Variants in TAOK3 observed in about 807,000 individuals in gnomAD.
TAOK3 encodes the protein TAO kinase 3, also known as serine/threonine-protein kinase TAO3.
A neutral mutation model predicts 120.4 loss-of-function variants in TAOK3; 40 were observed. The observed-to-expected ratio is 0.33, with a 90% confidence interval of 0.26 to 0.43. The LOEUF is 0.43. TAOK3 is among the 20% of genes least tolerant of loss of function. The pLI is 1.00. For missense variants in TAOK3, 821 were observed against 1,112.1 expected, an observed-to-expected ratio of 0.74 and a Z score of 3.72; for synonymous variants, 355 against 387.5, an observed-to-expected ratio of 0.92 and a Z score of 0.99.
intron 1 of TAOK3, among the ~76,000 whole-genome samples, chr12:118,284,767 G>A (rs1373473735): frequency 2.0e-5 from 3 of 151,868 alleles, no homozygotes; most frequent in Admixed American, 2.0e-4. Context: ...CAAAAGAGAA[G>A]GTTAACAACA....
rs1236962826 is a variant in TAOK3 at position 118,160,034 on chromosome 12, A to C, written c.2352+112T>G. 2 of 931,948 alleles carry C rather than the reference A, an allele frequency of 2.1e-6. No individual in the cohort carries two copies. Among genetic ancestry groups the C allele is most frequent in the African/African-American group, 3.3e-5 (2 of 60,802 alleles). 57.7% of individuals were successfully genotyped at this position (931,948 alleles called of 1,614,324 possible). A position where few individuals can be genotyped will look rare whatever the true frequency, so the allele number is the denominator to read the frequency against. On this transcript the variant is annotated intron_variant, in intron 19 of 20. Transcript: ENST00000392533. The surrounding 1 kb of genome is among the most constrained non-coding windows in gnomAD (Gnocchi z 4.2). Reference sequence around the variant, plus strand: ...TTTCCTCAGTCCTTTGGGCAGAAAAACATCAATATCCTAAATTTGTGCAAG... The same window carrying C: ...TTTCCTCAGTCCTTTGGGCAGAAAACCATCAATATCCTAAATTTGTGCAAG...
At chr12:118,257,536 C>T (rs777283522) in intron 2 of TAOK3, among the ~76,000 whole-genome samples, 1 of 151,824 alleles carries the variant, frequency 6.6e-6, no homozygotes, top group Non-Finnish European at 1.5e-5. Flanking sequence ...TTTATGCCAA[C>T]GTTTACACTG....
chr12:118,350,018 AATT>A (rs1449482088), intron 1 of TAOK3, among the ~76,000 whole-genome samples: 1 of 152,350 alleles, frequency 6.6e-6, no homozygotes, highest in South Asian at 2.1e-4. Context: ...TATAACATAA[AATT>A]ATTATTTCAA....
Position 118,164,251 on chromosome 12 carries a change from C to T in TAOK3, c.1900-2224G>A, listed in dbSNP as rs936818795. Reference sequence around the variant, plus strand: ...CTGAGGCAGGAGAATGGCGTGAACCCGGGAGGCGTAGCTTGCAGGGAGCCA... The same window carrying T: ...CTGAGGCAGGAGAATGGCGTGAACCTGGGAGGCGTAGCTTGCAGGGAGCCA... On this transcript the variant is annotated intron_variant, in intron 17 of 20. Transcript: ENST00000392533. 9.3e-5 allele frequency among the ~76,000 whole-genome samples: 14 copies of T among 150,390 alleles called. 1 individual carries two copies. The highest frequency in any genetic ancestry group is 6.8e-3 in the Middle Eastern group (2 of 294).
chr12:118,305,487 T>G (rs1015600893), intron 1 of TAOK3, among the ~76,000 whole-genome samples: 1 of 150,382 alleles, frequency 6.6e-6, no homozygotes, highest in Non-Finnish European at 1.5e-5. Context: ...AACAAAAAAA[T>G]AATAAAAATA....
intron 1 of TAOK3, among the ~76,000 whole-genome samples, chr12:118,280,513 G>A (rs1035173703): frequency 2.0e-5 from 3 of 152,136 alleles, no homozygotes; most frequent in African/African-American, 4.8e-5. Context: ...GTAGGTGTGC[G>A]GCATTATTTC....
chr12:118,220,858 G>T (rs1030983044), intron 9 of TAOK3, among the ~76,000 whole-genome samples: 1 of 152,110 alleles, frequency 6.6e-6, no homozygotes, highest in Non-Finnish European at 1.5e-5. Flanking sequence ...CTATAGTCTG[G>T]GAAGCATTCT....
intron 9 of TAOK3, among the ~76,000 whole-genome samples, chr12:118,229,192 C>T (rs1372709427): frequency 6.6e-6 from 1 of 151,986 alleles, no homozygotes; most frequent in African/African-American, 2.4e-5. Context: ...CCTCCGCCTC[C>T]CAGGTTCAGA....
intron 11 of TAOK3, among the ~76,000 whole-genome samples, chr12:118,207,885 C>CACACACACACAA (rs1277425511): frequency 6.6e-6 from 1 of 151,826 alleles, no homozygotes; most frequent in Non-Finnish European, 1.5e-5. Flanking sequence ...CACACACACA[C>CACACACACACAA]ACACATGCAC....
intron 17 of TAOK3, among the ~76,000 whole-genome samples, chr12:118,163,253 A>G (rs2035337454): frequency 6.6e-6 from 1 of 152,168 alleles, no homozygotes; most frequent in South Asian, 2.1e-4. Flanking sequence ...AGTGCAGGGA[A>G]TATACTGATG....
chr12:118,222,673 T>C (rs2039295283), intron 9 of TAOK3, among the ~76,000 whole-genome samples: 1 of 152,126 alleles, frequency 6.6e-6, no homozygotes, highest in Non-Finnish European at 1.5e-5. Context: ...TAACTCAGGA[T>C]TGGAAAACCA....
intron 5 of TAOK3, 69 bp downstream of exon 5, chr12:118,243,346 T>C (rs1413485399): frequency 2.5e-6 from 2 of 801,408 alleles, no homozygotes; most frequent in African/African-American, 1.8e-5. Context: ...ACAGATCAAA[T>C]AGATAATAGA....
intron 13 of TAOK3, among the ~76,000 whole-genome samples, chr12:118,193,137 C>T (rs2037526582): frequency 6.9e-6 from 1 of 144,064 alleles, no homozygotes; most frequent in African/African-American, 2.6e-5. Context: ...TGCTACCTCT[C>T]CACCTCCTGG....
At position 118,366,907 on chromosome 12, in the gene TAOK3, T is replaced by G. The variant is rs896215166; in HGVS notation, c.-194+5741A>C. 1.3e-4 allele frequency among the ~76,000 whole-genome samples: 20 copies of G among 152,122 alleles called. 1 individual carries two copies. Among genetic ancestry groups the G allele is most frequent in the Non-Finnish European group, 2.9e-5 (2 of 68,012 alleles). The stretch of plus-strand genomic sequence containing the variant: ...CAGTTCGAGACCAGCCTCACCAACA[T>G]GGTGAAACCCCATCTCTACTAAAAT... On this transcript the variant is annotated intron_variant, in intron 1 of 20. Transcript: ENST00000392533.
intron 3 of TAOK3, among the ~76,000 whole-genome samples, chr12:118,247,377 C>T (rs995962532): frequency 6.6e-6 from 1 of 151,862 alleles, no homozygotes; most frequent in Non-Finnish European, 1.5e-5. Flanking sequence ...GTCTACTTGT[C>T]TTCTCCATAC....
intron 14 of TAOK3, among the ~76,000 whole-genome samples, chr12:118,182,579 A>ATGTGTG (rs34798699): frequency 9.1e-5 from 11 of 121,000 alleles, no homozygotes; most frequent in South Asian, 2.8e-4. Context: ...TGTTTTGTAT[A>ATGTGTG]TGTGTGTGTG....
At chr12:118,308,898 C>T (rs2043152697) in intron 1 of TAOK3, among the ~76,000 whole-genome samples, 2 of 130,944 alleles carry the variant, frequency 1.5e-5, no homozygotes, top group Non-Finnish European at 3.1e-5. Flanking sequence ...CCACTGCACT[C>T]CAGCCTGGGG....
At chr12:118,305,618 T>A (rs2043021987) in intron 1 of TAOK3, among the ~76,000 whole-genome samples, 1 of 152,136 alleles carries the variant, frequency 6.6e-6, no homozygotes, top group African/African-American at 2.4e-5. Context: ...TGTCAAAAAG[T>A]TGGCGGCTGG....
At chr12:118,303,848 A>G (rs1413020353) in intron 1 of TAOK3, among the ~76,000 whole-genome samples, 1 of 152,192 alleles carries the variant, frequency 6.6e-6, no homozygotes, top group Non-Finnish European at 1.5e-5. Context: ...GGGTTTCGCC[A>G]TGTTGGCCAG....
Sources: allele counts gnomAD v4.1 joint callset (sites outside exome capture counted in the v4.1 genomes callset), GRCh38; gene constraint gnomAD v4.1.1; non-coding constraint Gnocchi (gnomAD v3.1); transcripts MANE v1.5; gene names NCBI Gene and HGNC (gene_info 2026-07-23, HGNC 2026-07-21).